Variants in DIAPH3 observed in about 807,000 individuals in gnomAD.
The protein encoded by DIAPH3 is diaphanous related formin 3, also known as protein diaphanous homolog 3.
A neutral mutation model predicts 144.3 loss-of-function variants in DIAPH3; 117 were observed. The ratio of observed to expected loss-of-function variants is 0.81; its 90% CI spans 0.70 to 0.95. The LOEUF (loss-of-function observed/expected upper bound fraction) is 0.95, where lower values mean the gene tolerates loss of function less well. Ranked by LOEUF, DIAPH3 falls within the 40% of genes least tolerant of loss-of-function variation. The probability of loss-of-function intolerance (pLI) is 0.00; values close to 1 mark genes in which losing one functional copy is unlikely to be tolerated. For missense variants in DIAPH3, 1,421 were observed against 1,412.7 expected (o/e 1.01, Z -0.09); for synonymous variants, 519 against 488.9 (o/e 1.06, Z -0.81).
chr13:60,024,457 A>C (rs1176138354), intron 5 of DIAPH3, among the ~76,000 whole-genome samples: 1 of 152,202 alleles, frequency 6.6e-6, no homozygotes, highest in Admixed American at 6.5e-5. Flanking sequence ...CTTTAAAAGA[A>C]GAAATAGTTT....
chr13:59,830,860 A>G (rs1042209053), intron 24 of DIAPH3, among the ~76,000 whole-genome samples: 2 of 151,932 alleles, frequency 1.3e-5, no homozygotes, highest in Non-Finnish European at 2.9e-5. Context: ...TCAAATCCCA[A>G]CTGGATCACT....
chr13:59,909,609 A>G (rs1161333912), intron 20 of DIAPH3, among the ~76,000 whole-genome samples: 1 of 152,228 alleles, frequency 6.6e-6, no homozygotes, highest in Non-Finnish European at 1.5e-5. Context: ...ACCAGAACCG[A>G]AAACAATTTG....
intron 17 of DIAPH3, among the ~76,000 whole-genome samples, chr13:59,929,587 G>A (rs1328739962): frequency 7.6e-5 from 8 of 105,472 alleles, no homozygotes; most frequent in Admixed American, 2.6e-4. Context: ...TTTTGAGATA[G>A]AGTCTTGCTC....
intron 27 of DIAPH3, among the ~76,000 whole-genome samples, chr13:59,762,340 G>A (rs1442772585): frequency 1.3e-5 from 2 of 152,068 alleles, no homozygotes; most frequent in Non-Finnish European, 2.9e-5. Context: ...GATTACAGGC[G>A]TGAGCCACCG....
At chr13:59,717,061 T>C (rs898548024) in intron 27 of DIAPH3, among the ~76,000 whole-genome samples, 2 of 152,212 alleles carry the variant, frequency 1.3e-5, no homozygotes, top group Non-Finnish European at 2.9e-5. Flanking sequence ...GTGTCAAGCG[T>C]GTACATACTG....
Position 60,010,661 on chromosome 13 carries a change from C to G in DIAPH3, c.780G>C (p.Leu260Phe). 1 of 1,606,140 alleles carries G rather than the reference C, an allele frequency of 6.2e-7. No individual in the cohort carries two copies. Among genetic ancestry groups the G allele is most frequent in the Non-Finnish European group, 8.5e-7 (1 of 1,177,440 alleles). The change falls in exon 8 of 28, where the codon TTG becomes TTC. Residue 260 changes from leucine to phenylalanine, a missense_variant. Coordinates refer to ENST00000400324, the MANE Select transcript of DIAPH3 (RefSeq NM_001042517.2). The part of the protein sequence containing the change: ...LKALMNTQYG[L>F]ERIMSEERSL... The stretch of plus-strand genomic sequence containing the variant: ...TCCTCTCCTCACTCATAATTCTTTC[C>G]AAGCCATACTATAATATTTTGAAAA...
At chr13:59,748,253 G>T (rs1025383847) in intron 27 of DIAPH3, among the ~76,000 whole-genome samples, 17 of 152,174 alleles carry the variant, frequency 1.1e-4, no homozygotes, top group African/African-American at 4.1e-4. Context: ...GGTCATTAGG[G>T]AAAAGAACTT....
intron 24 of DIAPH3, among the ~76,000 whole-genome samples, chr13:59,812,248 GCATCCATCCATCCATC>G (rs67202819): frequency 0.044 from 6,567 of 149,964 alleles, 239 homozygotes; most frequent in Admixed American, 0.1. Flanking sequence ...ATGCATGCAT[GCATCCATCCATCCATC>G]CATCCATCCA....
At chr13:59,798,542 G>A (rs973567005) in intron 25 of DIAPH3, among the ~76,000 whole-genome samples, 1 of 152,152 alleles carries the variant, frequency 6.6e-6, no homozygotes, top group African/African-American at 2.4e-5. Context: ...TCATTTCACT[G>A]TGTTCATTTG....
At chr13:60,068,330 T>G (rs1282585358) in intron 4 of DIAPH3, among the ~76,000 whole-genome samples, 2 of 152,154 alleles carry the variant, frequency 1.3e-5, no homozygotes, top group African/African-American at 4.8e-5. Context: ...CCACCAGCCA[T>G]GTATGAAGGT....
At chr13:59,816,085 T>C (rs1044901583) in intron 24 of DIAPH3, among the ~76,000 whole-genome samples, 5 of 152,160 alleles carry the variant, frequency 3.3e-5, no homozygotes, top group African/African-American at 4.8e-5. Context: ...TTTTTTCCCA[T>C]TAGACTCAAT....
Position 59,969,936 on chromosome 13 carries a change from A to T in DIAPH3, c.2074+8T>A. 1 of 1,545,750 alleles carries T rather than the reference A, an allele frequency of 6.5e-7. No homozygotes were observed. Among genetic ancestry groups the T allele is most frequent in the Non-Finnish European group, 8.9e-7 (1 of 1,123,674 alleles). On this transcript the variant is annotated splice_region_variant and intron_variant, in intron 17 of 27. Transcript: ENST00000400324. ...CAAATTAATAAATAATCAAGATGTT[A>T]AACTTACCTTTTTGTTGGCAACAAA... is the stretch of plus-strand genomic sequence containing the variant.
At chr13:60,066,869 A>T (rs1594566489) in intron 4 of DIAPH3, among the ~76,000 whole-genome samples, 1 of 152,380 alleles carries the variant, frequency 6.6e-6, no homozygotes, top group South Asian at 2.1e-4. Context: ...TACATATCTC[A>T]ATATCATCAA....
chr13:59,795,933 C>T (rs1010719619), intron 25 of DIAPH3, among the ~76,000 whole-genome samples: 2 of 152,168 alleles, frequency 1.3e-5, no homozygotes, highest in Non-Finnish European at 2.9e-5. Context: ...GTGCTTTCAT[C>T]AGGGGGTAAG....
At chr13:60,131,435 CAAAAAAAAAAAAA>C (rs777909368) in intron 2 of DIAPH3, among the ~76,000 whole-genome samples, 35 of 29,304 alleles carry the variant, frequency 1.2e-3, no homozygotes, top group African/African-American at 3.2e-3. Flanking sequence ...GACCCTGTCT[CAAAAAAAAAAAAA>C]AAAAAAAAAA....
chr13:60,067,201 C>T (rs889390679), intron 4 of DIAPH3, among the ~76,000 whole-genome samples: 1 of 151,894 alleles, frequency 6.6e-6, no homozygotes, highest in Non-Finnish European at 1.5e-5. Context: ...GAAAGGATTG[C>T]TTGAGCATGA....
intron 17 of DIAPH3, among the ~76,000 whole-genome samples, chr13:59,931,227 A>C (rs1358478707): frequency 6.6e-6 from 1 of 152,194 alleles, no homozygotes; most frequent in Non-Finnish European, 1.5e-5. Context: ...AATATTCACT[A>C]AAGTAATCAC....
chr13:59,690,069 G>T (rs1169447390), intron 27 of DIAPH3, among the ~76,000 whole-genome samples: 1 of 152,012 alleles, frequency 6.6e-6, no homozygotes, highest in Non-Finnish European at 1.5e-5. Flanking sequence ...GGTGAAGAAA[G>T]GATAACATGA....
chr13:59,992,682 C>T (rs1477913458), intron 9 of DIAPH3, 99 bp from the exon 10 acceptor site: 2 of 940,582 alleles, frequency 2.1e-6, no homozygotes, highest in Non-Finnish European at 3.3e-6. Context: ...TATTAAATAT[C>T]TTTCCTATTA....
Sources: gnomAD v4.1 joint callset for allele counts (sites outside exome capture counted in the v4.1 genomes callset) on GRCh38, gnomAD v4.1.1 for gene constraint, MANE v1.5 for transcripts, NCBI Gene and HGNC (gene_info 2026-07-23, HGNC 2026-07-21) for gene names.